ANKS1B: variants seen among roughly 807,000 people sequenced by gnomAD.
The protein encoded by ANKS1B is ankyrin repeat and sterile alpha motif domain-containing protein 1B.
Under a neutral mutation model 148.3 loss-of-function variants are expected in ANKS1B, and 36 were observed. That is an observed-to-expected ratio of 0.24 (90% CI 0.19 to 0.32). ANKS1B has a LOEUF of 0.32. ANKS1B is among the 10% of genes least tolerant of loss of function. The pLI is 1.00. For missense variants in ANKS1B, 1,157 were observed against 1,542.6 expected (o/e 0.75, Z 4.19); for synonymous variants, 542 against 560.8 (o/e 0.97, Z 0.47).
rs6144833 is a variant in ANKS1B at position 99,888,969 on chromosome 12, AACAC to A, written c.135-63584_135-63581del. Among the ~76,000 whole-genome samples, 108 of 147,018 alleles carry A rather than the reference AACAC, an allele frequency of 7.3e-4. 1 individual carries two copies. The highest frequency in any genetic ancestry group is 3.1e-3 in the South Asian group (14 of 4,590). ...TGGAAAAATGGCTCACCTTCGCCAA[AACAC>A]ACACACACACACACACACACACACA... On this transcript the variant is annotated intron_variant, in intron 1 of 26. Coordinates refer to ENST00000683438, the MANE Select transcript of ANKS1B (RefSeq NM_001352186.2).
intron 12 of ANKS1B, among the ~76,000 whole-genome samples, chr12:99,253,415 T>C (rs537336119): frequency 6.6e-6 from 1 of 152,254 alleles, no homozygotes; most frequent in African/African-American, 2.4e-5. Context: ...AAAACCTGTA[T>C]TTCTTAATAC....
At chr12:99,859,128 A>G (rs1219323729) in intron 1 of ANKS1B, among the ~76,000 whole-genome samples, 1 of 152,238 alleles carries the variant, frequency 6.6e-6, no homozygotes, top group East Asian at 1.9e-4. Flanking sequence ...TGAAAGCAAG[A>G]GCAGATAATA....
chr12:99,676,602 A>G (rs1243790458), intron 8 of ANKS1B, among the ~76,000 whole-genome samples: 3 of 152,252 alleles, frequency 2.0e-5, no homozygotes, highest in Non-Finnish European at 4.4e-5. Context: ...ACTTAATTTC[A>G]TGACATGTAT....
At chr12:99,457,409 GA>G (rs1567137222) in intron 10 of ANKS1B, among the ~76,000 whole-genome samples, 1 of 151,596 alleles carries the variant, frequency 6.6e-6, no homozygotes, top group Non-Finnish European at 1.5e-5. Flanking sequence ...ATGATAAACA[GA>G]ACAGAACTTC....
At chr12:98,759,729 A>G (rs1448748394) in intron 25 of ANKS1B, among the ~76,000 whole-genome samples, 5 of 152,184 alleles carry the variant, frequency 3.3e-5, no homozygotes, top group African/African-American at 1.2e-4. Flanking sequence ...CTAGGTAGCC[A>G]TTTAACATGA....
chr12:99,983,802 G>A (rs976553208), intron 1 of ANKS1B, among the ~76,000 whole-genome samples: 19 of 152,078 alleles, frequency 1.2e-4, no homozygotes, highest in African/African-American at 4.1e-4. Flanking sequence ...TGGAAAGCGG[G>A]CGGAACGTCG....
intron 9 of ANKS1B, among the ~76,000 whole-genome samples, chr12:99,641,307 A>G (rs2153420806): frequency 6.6e-6 from 1 of 152,368 alleles, no homozygotes; most frequent in Non-Finnish European, 1.5e-5. Flanking sequence ...AAGAAGCAGC[A>G]GCAGAGGGTG....
intron 19 of ANKS1B, among the ~76,000 whole-genome samples, chr12:98,808,731 A>G (rs2099070325): frequency 6.6e-6 from 1 of 152,240 alleles, no homozygotes; most frequent in South Asian, 2.1e-4. Flanking sequence ...ACCTTCAAAG[A>G]GACCGACTGA....
intron 17 of ANKS1B, among the ~76,000 whole-genome samples, chr12:98,940,632 C>T (rs536298198): frequency 6.6e-6 from 1 of 152,166 alleles, no homozygotes; most frequent in Admixed American, 6.5e-5. Flanking sequence ...TTCATGAGAG[C>T]AGAGATTGGT....
intron 12 of ANKS1B, among the ~76,000 whole-genome samples, chr12:99,305,225 T>A (rs535016381): frequency 6.6e-6 from 1 of 152,032 alleles, no homozygotes; most frequent in East Asian, 1.9e-4. Context: ...ACCCAACACC[T>A]CCCACCAGGC....
chr12:99,585,625 G>A lies in ANKS1B; in HGVS notation c.1272+69442C>T, dbSNP rs146416572. On this transcript the variant is annotated intron_variant, in intron 9 of 26. Transcript: ENST00000683438. ...CAGAGGTTCTCTTTGAGAGCCTTGT[G>A]CCTGCAGCAAACTTCTGCCTGGACA... 4.6e-5 allele frequency among the ~76,000 whole-genome samples: 7 copies of A among 152,284 alleles called. No homozygotes were observed. In the East Asian group the frequency reaches 1.4e-3, roughly 29 times the overall value.
chr12:99,205,943 C>G (rs1252437032), intron 14 of ANKS1B, among the ~76,000 whole-genome samples: 1 of 152,140 alleles, frequency 6.6e-6, no homozygotes, highest in Non-Finnish European at 1.5e-5. Flanking sequence ...CAGGCAGAAA[C>G]TGGAAAATTA....
At chr12:99,377,717 A>C (rs1485266985) in intron 12 of ANKS1B, among the ~76,000 whole-genome samples, 1 of 152,206 alleles carries the variant, frequency 6.6e-6, no homozygotes, top group Non-Finnish European at 1.5e-5. Flanking sequence ...CCAGTGAACC[A>C]TTTGTTTATG....
chr12:99,928,766 T>C lies in ANKS1B; in HGVS notation c.134+55338A>G, dbSNP rs578146789. On this transcript the variant is annotated intron_variant, in intron 1 of 26. Transcript: ENST00000683438. Reference sequence around the variant, plus strand: ...TTCAAAAACAAACTTGATGAGAACTTAGTCACAAAGGGTATAAACCCTCTC... The same window carrying C: ...TTCAAAAACAAACTTGATGAGAACTCAGTCACAAAGGGTATAAACCCTCTC... Among the ~76,000 whole-genome samples, 9 of 152,306 alleles carry C rather than the reference T, an allele frequency of 5.9e-5. No individual in the cohort carries two copies. In the South Asian group the frequency reaches 1.0e-3, roughly 18 times the overall value.
intron 9 of ANKS1B, among the ~76,000 whole-genome samples, chr12:99,525,479 T>G (rs2096918180): frequency 6.6e-6 from 1 of 152,158 alleles, no homozygotes; most frequent in South Asian, 2.1e-4. Flanking sequence ...GATATTTATG[T>G]AAACTACAAA....
rs11832551 is a variant in ANKS1B at position 99,403,065 on chromosome 12, T to C, written c.1576-3254A>G. 8.5e-4 allele frequency among the ~76,000 whole-genome samples: 123 copies of C among 145,190 alleles called. 15 individuals carry two copies. The highest frequency in any genetic ancestry group is 3.1e-3 in the African/African-American group (119 of 38,200). On this transcript the variant is annotated intron_variant, in intron 11 of 26. Coordinates refer to ENST00000683438, the MANE Select transcript of ANKS1B (RefSeq NM_001352186.2). ...GTGGTTTTGGTTTGAATTACTCTAATGATCAATGATGTAGCACTTTTTTTC... is the reference window on the plus strand; with the variant it reads ...GTGGTTTTGGTTTGAATTACTCTAACGATCAATGATGTAGCACTTTTTTTC...
Sources: allele counts gnomAD v4.1 joint callset (sites outside exome capture counted in the v4.1 genomes callset), GRCh38; gene constraint gnomAD v4.1.1; transcripts MANE v1.5; gene names NCBI Gene and HGNC (gene_info 2026-07-23, HGNC 2026-07-21).